Variants in RNF150 observed in about 807,000 individuals in gnomAD.
RNF150 encodes the protein ring finger protein 150.
A neutral mutation model predicts 39.3 loss-of-function variants in RNF150; 24 were observed. The ratio of observed to expected loss-of-function variants is 0.61; its 90% CI spans 0.44 to 0.86. The LOEUF is 0.86. Ranked by LOEUF, RNF150 falls within the 40% of genes least tolerant of loss-of-function variation. RNF150 has a pLI of 0.00. For missense variants in RNF150, 502 were observed against 587.8 expected, an observed-to-expected ratio of 0.85 and a Z score of 1.51; for synonymous variants, 255 against 227.3, an observed-to-expected ratio of 1.12 and a Z score of -1.10.
chr4:140,926,410 T>G (rs1451278279), intron 4 of RNF150, among the ~76,000 whole-genome samples: 1 of 152,234 alleles, frequency 6.6e-6, no homozygotes, highest in Non-Finnish European at 1.5e-5. Context: ...GTACACACCT[T>G]GTAGGATGAC....
intron 6 of RNF150, among the ~76,000 whole-genome samples, chr4:140,891,967 C>T (rs997399203): frequency 3.9e-5 from 6 of 152,170 alleles, no homozygotes; most frequent in African/African-American, 9.7e-5. Context: ...AAAGCACCAC[C>T]GTCCCCCCAA....
intron 4 of RNF150, among the ~76,000 whole-genome samples, chr4:140,939,676 C>T (rs1388655794): frequency 6.7e-6 from 1 of 149,468 alleles, no homozygotes; most frequent in Non-Finnish European, 1.5e-5. Flanking sequence ...GTGATGACAT[C>T]CCTTTCAGTG....
At chr4:141,155,252 A>ATTTTTTTTTTTTTTTTTTTTTTTTTTTTT (rs70946798) in intron 1 of RNF150, among the ~76,000 whole-genome samples, 1 of 126,416 alleles carries the variant, frequency 7.9e-6, no homozygotes, top group Non-Finnish European at 1.6e-5. Flanking sequence ...CACCCGGCTG[A>ATTTTTTTTTTTTTTTTTTTTTTTTTTTTT]TTTTTTTTTT....
At chr4:140,950,983 A>G (rs144256486) in intron 2 of RNF150, among the ~76,000 whole-genome samples, 2 of 152,308 alleles carry the variant, frequency 1.3e-5, no homozygotes, top group African/African-American at 4.8e-5. Context: ...GATAAATACC[A>G]GGAAAAACAG....
At chr4:140,990,779 T>C (rs1734168703) in intron 1 of RNF150, among the ~76,000 whole-genome samples, 1 of 152,180 alleles carries the variant, frequency 6.6e-6, no homozygotes, top group Non-Finnish European at 1.5e-5. Context: ...CTATTGTCAA[T>C]AGTGCTGCAA....
chr4:141,142,770 T>C (rs1727141783), intron 1 of RNF150, among the ~76,000 whole-genome samples: 1 of 152,216 alleles, frequency 6.6e-6, no homozygotes, highest in Admixed American at 6.5e-5. Flanking sequence ...TAGGAAAATG[T>C]TGGGGTTCCT....
intron 1 of RNF150, among the ~76,000 whole-genome samples, chr4:140,993,104 A>T (rs1734253371): frequency 6.6e-6 from 1 of 152,136 alleles, no homozygotes; most frequent in Non-Finnish European, 1.5e-5. Context: ...GATTGCCACA[A>T]CTCAGGCCTG....
intron 1 of RNF150, among the ~76,000 whole-genome samples, chr4:141,171,598 T>A (rs1727725849): frequency 1.3e-5 from 2 of 152,164 alleles, no homozygotes; most frequent in African/African-American, 4.8e-5. Flanking sequence ...TTAAAGACAT[T>A]CTCTAGGCAC....
chr4:140,890,377 T>C (rs1729716767), intron 6 of RNF150, among the ~76,000 whole-genome samples: 1 of 152,326 alleles, frequency 6.6e-6, no homozygotes, highest in South Asian at 2.1e-4. Flanking sequence ...TTTAGGTTAT[T>C]TACAATATTT....
chr4:141,196,351 AC>A (rs1188781898), intron 1 of RNF150, among the ~76,000 whole-genome samples: 3 of 152,278 alleles, frequency 2.0e-5, no homozygotes, highest in Non-Finnish European at 4.4e-5. Flanking sequence ...GACCCACACT[AC>A]ATCAGTTAGG....
At chr4:141,169,186 G>A (rs989368429) in intron 1 of RNF150, among the ~76,000 whole-genome samples, 2 of 152,074 alleles carry the variant, frequency 1.3e-5, no homozygotes, top group Admixed American at 1.3e-4. Context: ...ACTGTATAGC[G>A]TGTGAGTTCT....
At chr4:141,159,567 G>A (rs912900927) in intron 1 of RNF150, among the ~76,000 whole-genome samples, 2 of 151,824 alleles carry the variant, frequency 1.3e-5, no homozygotes, top group African/African-American at 4.8e-5. Flanking sequence ...TTTTTTAATA[G>A]GGCCTTGCTG....
chr4:141,201,792 C>T (rs1230035727), intron 1 of RNF150, among the ~76,000 whole-genome samples: 2 of 152,036 alleles, frequency 1.3e-5, no homozygotes, highest in African/African-American at 4.8e-5. Context: ...AAATGGCTAC[C>T]AACAAACAGC....
intron 4 of RNF150, 93 bp downstream of exon 4, chr4:140,947,561 C>T: frequency 1.2e-6 from 1 of 824,672 alleles, no homozygotes; most frequent in South Asian, 1.5e-5. Flanking sequence ...ACTGACCTGG[C>T]AGCACTATGC....
intron 1 of RNF150, among the ~76,000 whole-genome samples, chr4:141,201,175 C>T (rs144329464): frequency 1.2e-4 from 19 of 152,282 alleles, no homozygotes; most frequent in African/African-American, 4.6e-4. Context: ...TCTGGGACCA[C>T]CAATGTAGGT....
chr4:141,012,044 C>A (rs1460707496), intron 1 of RNF150, among the ~76,000 whole-genome samples: 1 of 152,222 alleles, frequency 6.6e-6, no homozygotes, highest in Non-Finnish European at 1.5e-5. Flanking sequence ...TTTTTGAGTA[C>A]AGCTACTCTT....
At chr4:140,902,901 C>G (rs1449527744) in intron 6 of RNF150, among the ~76,000 whole-genome samples, 1 of 152,154 alleles carries the variant, frequency 6.6e-6, no homozygotes, top group Non-Finnish European at 1.5e-5. Flanking sequence ...CTCACAATGA[C>G]CTTCACTAGT....
At chr4:141,166,857 G>C (rs1727613785) in intron 1 of RNF150, among the ~76,000 whole-genome samples, 2 of 152,112 alleles carry the variant, frequency 1.3e-5, no homozygotes, top group African/African-American at 4.8e-5. Flanking sequence ...GGCAAAAGCT[G>C]GATGCATTCC....
chr4:141,095,965 T>C (rs1361391251), intron 1 of RNF150, among the ~76,000 whole-genome samples: 1 of 152,130 alleles, frequency 6.6e-6, no homozygotes, highest in Non-Finnish European at 1.5e-5. Flanking sequence ...AAACATGATG[T>C]ATTTTATATA....
Sources: allele counts gnomAD v4.1 joint callset (sites outside exome capture counted in the v4.1 genomes callset), GRCh38; gene constraint gnomAD v4.1.1; transcripts MANE v1.5; gene names NCBI Gene and HGNC (gene_info 2026-07-23, HGNC 2026-07-21).